The following MCTP1 variants were observed in gnomAD, a reference collection of about 807,000 sequenced individuals.
MCTP1 encodes multiple C2 and transmembrane domain-containing protein 1.
A neutral mutation model predicts 120.6 loss-of-function variants in MCTP1; 69 were observed. The ratio of observed to expected loss-of-function variants is 0.57; its 90% CI spans 0.47 to 0.70. The LOEUF is 0.70. Among genes scored for constraint, MCTP1 ranks in the 30% least tolerant of loss-of-function variants. The pLI is 0.00. For synonymous variants in MCTP1, 529 were observed against 493.1 expected, an observed-to-expected ratio of 1.07 and a Z score of -0.96; for missense variants, 1,203 against 1,248.8, an observed-to-expected ratio of 0.96 and a Z score of 0.55.
At chr5:95,181,644 T>A (rs1748612023) in intron 1 of MCTP1, among the ~76,000 whole-genome samples, 1 of 152,284 alleles carries the variant, frequency 6.6e-6, no homozygotes, top group Non-Finnish European at 1.5e-5. Context: ...AGCACACTTT[T>A]GATATGCATG....
intron 2 of MCTP1, among the ~76,000 whole-genome samples, chr5:94,996,517 T>C (rs1391811416): frequency 6.6e-6 from 1 of 152,142 alleles, no homozygotes; most frequent in Non-Finnish European, 1.5e-5. Context: ...GAAAATGGTG[T>C]TGTATTTGCA....
At chr5:94,861,642 T>C (rs894948161) in intron 17 of MCTP1, among the ~76,000 whole-genome samples, 1 of 151,844 alleles carries the variant, frequency 6.6e-6, no homozygotes, top group Non-Finnish European at 1.5e-5. Flanking sequence ...CAATGGAATA[T>C]GGCTTGCCAA....
chr5:95,061,408 G>GTTT (rs556663513), intron 1 of MCTP1, among the ~76,000 whole-genome samples: 7 of 33,486 alleles, frequency 2.1e-4, no homozygotes, highest in East Asian at 7.2e-4. Flanking sequence ...CCCCTTAAGG[G>GTTT]TTTTTTTTTT....
chr5:94,861,923 T>C (rs528508890), intron 17 of MCTP1, among the ~76,000 whole-genome samples: 70 of 151,872 alleles, frequency 4.6e-4, no homozygotes, highest in African/African-American at 1.6e-3. Context: ...GCAGCATCCA[T>C]ACAGCCAGGA....
At chr5:95,200,779 T>C (rs1023605143) in intron 1 of MCTP1, among the ~76,000 whole-genome samples, 2 of 152,214 alleles carry the variant, frequency 1.3e-5, no homozygotes, top group Non-Finnish European at 2.9e-5. Flanking sequence ...TTTTGAAAAT[T>C]GCTAAGATAG....
intron 2 of MCTP1, among the ~76,000 whole-genome samples, chr5:94,970,765 G>A (rs981657586): frequency 5.3e-5 from 8 of 151,548 alleles, no homozygotes; most frequent in South Asian, 2.1e-4. Flanking sequence ...AAAATTAAAC[G>A]TTTTTTAAAA....
At chr5:95,054,284 A>C (rs571624530) in intron 1 of MCTP1, among the ~76,000 whole-genome samples, 1 of 152,236 alleles carries the variant, frequency 6.6e-6, no homozygotes, top group African/African-American at 2.4e-5. Context: ...AATGCAATAC[A>C]TCGTATCTAT....
intron 20 of MCTP1, among the ~76,000 whole-genome samples, chr5:94,714,119 CACAT>C (rs757978927): frequency 1.8e-4 from 27 of 151,898 alleles, no homozygotes; most frequent in African/African-American, 3.9e-4. Context: ...TTAGATAAAA[CACAT>C]ACGTATATAA....
At chr5:95,238,651 G>A (rs1031658092) in intron 1 of MCTP1, among the ~76,000 whole-genome samples, 3 of 152,124 alleles carry the variant, frequency 2.0e-5, no homozygotes, top group Non-Finnish European at 4.4e-5. Flanking sequence ...CTTTATAACC[G>A]AACATGCAGC....
At chr5:95,260,779 G>A (rs990654742) in intron 1 of MCTP1, among the ~76,000 whole-genome samples, 8 of 151,832 alleles carry the variant, frequency 5.3e-5, no homozygotes, top group South Asian at 2.1e-4. Context: ...TTCTCCCCTC[G>A]CACGTTTCCA....
intron 1 of MCTP1, among the ~76,000 whole-genome samples, chr5:95,165,732 G>C (rs1746256775): frequency 6.6e-6 from 1 of 152,210 alleles, no homozygotes; most frequent in African/African-American, 2.4e-5. Context: ...CTGTGAGTCT[G>C]TCTTTCCAAC....
chr5:95,048,463 C>T (rs1191994034), intron 1 of MCTP1, among the ~76,000 whole-genome samples: 1 of 152,126 alleles, frequency 6.6e-6, no homozygotes, highest in Admixed American at 6.5e-5. Flanking sequence ...GTTACAGAAC[C>T]TAGTTAAAAT....
intron 19 of MCTP1, among the ~76,000 whole-genome samples, chr5:94,729,416 C>A (rs1762711626): frequency 6.6e-6 from 1 of 152,116 alleles, no homozygotes; most frequent in South Asian, 2.1e-4. Context: ...ACAGAGGAGA[C>A]CCAGTCACCT....
At chr5:94,756,070 ATAT>A (rs1711784952) in intron 19 of MCTP1, among the ~76,000 whole-genome samples, 1 of 152,178 alleles carries the variant, frequency 6.6e-6, no homozygotes, top group African/African-American at 2.4e-5. Context: ...AACAATAACA[ATAT>A]TATTACTCCT....
chr5:94,977,808 A>G (rs190768550), intron 2 of MCTP1, among the ~76,000 whole-genome samples: 1 of 152,280 alleles, frequency 6.6e-6, no homozygotes. Flanking sequence ...ATAAATCAAT[A>G]CAAATGGATT....
Position 94,751,112 on chromosome 5 carries a change from T to A in MCTP1, c.2610+27998A>T, listed in dbSNP as rs549486975. On this transcript the variant is annotated intron_variant, in intron 19 of 22. Transcript: ENST00000515393. ...CAAGGTGGAGGTTTTAACTAAATACTGGCCGGGCTGAAGTAATCACTCAGA... is the reference window on the plus strand; with the variant it reads ...CAAGGTGGAGGTTTTAACTAAATACAGGCCGGGCTGAAGTAATCACTCAGA... Among the ~76,000 whole-genome samples the A allele has an allele frequency of 3.3e-5, 5 of 152,166 alleles. No individual in the cohort carries two copies. The South Asian group carries it at 1.0e-3, about 32-fold the overall frequency.
chr5:95,262,763 C>T (rs1758573079), intron 1 of MCTP1, among the ~76,000 whole-genome samples: 1 of 151,856 alleles, frequency 6.6e-6, no homozygotes, highest in African/African-American at 2.4e-5. Context: ...ATTACTTTAA[C>T]AAAATATCAA....
intron 1 of MCTP1, among the ~76,000 whole-genome samples, chr5:95,067,939 C>T (rs1354320755): frequency 1.3e-5 from 2 of 152,160 alleles, no homozygotes; most frequent in East Asian, 1.9e-4. Context: ...TCGACCCTTT[C>T]CCCATCCCTC....
chr5:95,200,021 G>A (rs1203055453), intron 1 of MCTP1, among the ~76,000 whole-genome samples: 1 of 151,668 alleles, frequency 6.6e-6, no homozygotes, highest in African/African-American at 2.4e-5. Context: ...ATTATCCAAG[G>A]GTGGTGGCAC....
Sources: allele counts gnomAD v4.1 joint callset (sites outside exome capture counted in the v4.1 genomes callset), GRCh38; gene constraint gnomAD v4.1.1; transcripts MANE v1.5; gene names NCBI Gene and HGNC (gene_info 2026-07-23, HGNC 2026-07-21).